Variants in ANHX observed in about 807,000 individuals in gnomAD.
ANHX encodes anomalous homeobox.
In ANHX, 20 loss-of-function variants were observed where a neutral mutation model predicts 38.9. That is an observed-to-expected ratio of 0.51 (90% CI 0.36 to 0.75). The LOEUF (loss-of-function observed/expected upper bound fraction) is 0.75, where lower values mean the gene tolerates loss of function less well. ANHX is among the 30% of genes least tolerant of loss of function. ANHX has a pLI of 0.00. For synonymous variants in ANHX, 185 were observed against 203.1 expected (o/e 0.91, Z 0.76); for missense variants, 475 against 493.1 (o/e 0.96, Z 0.35).
In ANHX at chr12:133,221,386, G is replaced by A; in HGVS notation, c.1133-34C>T. The A allele has an allele frequency of 2.0e-6, 3 of 1,521,348 alleles. No homozygotes were observed. In the South Asian group the frequency reaches 3.7e-5, roughly 19 times the overall value. The allele number at this position is 1,521,348 out of a possible 1,614,324, so 94.2% of individuals were successfully genotyped here. A position where few individuals can be genotyped will look rare whatever the true frequency, so the allele number is the denominator to read the frequency against. ...AATGAGATTCCACGGCACACTGGCAGGAGAAAGGAGCAGAGCCCACGTGTG... is the reference window on the plus strand; with the variant it reads ...AATGAGATTCCACGGCACACTGGCAAGAGAAAGGAGCAGAGCCCACGTGTG... On this transcript the variant is annotated intron_variant, in intron 7 of 9. Transcript: ENST00000545940. The surrounding 1 kb of genome is among the most constrained non-coding windows in gnomAD (Gnocchi z 4.1).
chr12:133,231,131 T>C (rs1418664224), intron 3 of ANHX, among the ~76,000 whole-genome samples: 1 of 152,168 alleles, frequency 6.6e-6, no homozygotes, highest in East Asian at 1.9e-4. Flanking sequence ...TGTTGAGCTG[T>C]TCCCACCTGC....
In ANHX at chr12:133,227,206, G is replaced by A; in HGVS notation, c.502-54C>T. On this transcript the variant is annotated intron_variant, in intron 4 of 9. Coordinates refer to ENST00000545940, the MANE Select transcript of ANHX (RefSeq NM_001372060.1). ...CTGCTTCCATTCCCTGAGGACAGGG[G>A]GTGTGCAGAAGTGGCTCAGACAGCT... 2.0e-6 allele frequency: 3 copies of A among 1,491,428 alleles called. No individual in the cohort carries two copies. The Admixed American group carries it at 6.2e-5, about 31-fold the overall frequency. 92.4% of individuals were successfully genotyped at this position (1,491,428 alleles called of 1,614,324 possible).
At chr12:133,227,185 T>A (rs1957201788) in intron 4 of ANHX, 33 bp from the exon 5 acceptor site, 1 of 1,515,608 alleles carries the variant, frequency 6.6e-7, no homozygotes, top group Non-Finnish European at 8.8e-7. Context: ...CTAGCCCTGC[T>A]TCCATTCCCT....
Position 133,226,953 on chromosome 12 carries a change from T to C in ANHX, c.701A>G (p.Asp234Gly). The C allele has an allele frequency of 6.5e-7, 1 of 1,529,658 alleles. No individual in the cohort carries two copies. Among genetic ancestry groups the C allele is most frequent in the Non-Finnish European group, 8.7e-7 (1 of 1,143,110 alleles). 94.8% of individuals were successfully genotyped at this position (1,529,658 alleles called of 1,614,324 possible). ...GNPRVDSGFV[D>G]RPQWSEEREE... The stretch of plus-strand genomic sequence containing the variant: ...CCACTCACCTGACCACTGAGGCCTG[T>C]CCACAAACCCAGAGTCAACACGGGG... The change falls in exon 5 of 10, where the codon GAC becomes GGC. Residue 234 changes from aspartate (D) to glycine (G), a missense_variant. Transcript: ENST00000545940.
chr12:133,221,067 G>A lies in ANHX; in HGVS notation c.1280+138C>T, dbSNP rs1332523490. 5 of 1,159,988 alleles carry A rather than the reference G, an allele frequency of 4.3e-6. No homozygotes were observed. Among genetic ancestry groups the A allele is most frequent in the Non-Finnish European group, 5.8e-6 (5 of 854,706 alleles). The allele number at this position is 1,159,988 out of a possible 1,614,324, so 71.9% of individuals were successfully genotyped here. A position where few individuals can be genotyped will look rare whatever the true frequency, so the allele number is the denominator to read the frequency against. ...TTCTTCATAGGTGTAGGCTTGTGGG[G>A]ACTGTTACAGTTTTCAGCAATCCAA... On this transcript the variant is annotated intron_variant, in intron 8 of 9. Transcript: ENST00000545940. This position sits in a 1 kb window ranked among gnomAD's most constrained non-coding sequence, Gnocchi z 4.1.
rs1957187591 is a variant in ANHX at position 133,226,323 on chromosome 12, A to C, written c.834T>G (p.Asp278Glu). Residue 278 changes from aspartate (D) to glutamate (E), a missense_variant, in exon 6 of 10, where the codon GAT becomes GAG. Asp to Glu is a conservative substitution (Grantham distance 45). Transcript: ENST00000545940. The stretch of plus-strand genomic sequence containing the variant: ...GGCCATGGAGATGACAGTACCTGAC[A>C]TCCAGTGGCTTTGAGACTGTCTCAT... ...PADETVSKPL[D>E]VRSLPGGEMY... 2 of 1,536,262 alleles carry C rather than the reference A, an allele frequency of 1.3e-6. No individual in the cohort carries two copies. Among genetic ancestry groups the C allele is most frequent in the Non-Finnish European group, 1.7e-6 (2 of 1,146,910 alleles).
In ANHX at chr12:133,218,883, G is replaced by A. The variant is rs1957070575; in HGVS notation, c.*2C>T. On this transcript the variant is annotated 3_prime_UTR_variant, in exon 10 of 10. Coordinates refer to ENST00000545940, the MANE Select transcript of ANHX (RefSeq NM_001372060.1). ...GGGTGCTGTCTGGCTCCTGGGGATA[G>A]CTCAGCCCAGGCTGCTCCCTGAAAA... 6.6e-7 allele frequency: 1 copy of A among 1,512,900 alleles called. No individual in the cohort carries two copies. The highest frequency in any genetic ancestry group is 1.2e-5 in the South Asian group (1 of 82,200). The allele number at this position is 1,512,900 out of a possible 1,614,324, so 93.7% of individuals were successfully genotyped here.
chr12:133,227,883 G>T lies in ANHX; in HGVS notation c.442C>A (p.Arg148Ser), dbSNP rs1462863125. ...LKSRNFPREVREKLHNFAVGV... is the reference protein window; with the variant it reads ...LKSRNFPREVSEKLHNFAVGV... ...ACAGCGAAATTGTGCAGCTTCTCAC[G>T]AACCTCTCTGGGGAAGTTCCGGCTC... Residue 148 changes from arginine (R) to serine (S), a missense_variant, in exon 4 of 10, where the codon CGT becomes AGT. By Grantham distance (110) the Arg-to-Ser change is moderately radical. Coordinates refer to ENST00000545940, the MANE Select transcript of ANHX (RefSeq NM_001372060.1). 1.4e-6 allele frequency: 2 copies of T among 1,476,478 alleles called. No individual in the cohort carries two copies. The highest frequency in any genetic ancestry group is 1.8e-6 in the Non-Finnish European group (2 of 1,111,034). 91.5% of individuals were successfully genotyped at this position (1,476,478 alleles called of 1,614,324 possible). A position where few individuals can be genotyped will look rare whatever the true frequency, so the allele number is the denominator to read the frequency against.
At chr12:133,231,277 C>T (rs1193095991) in intron 3 of ANHX, among the ~76,000 whole-genome samples, 3 of 152,226 alleles carry the variant, frequency 2.0e-5, no homozygotes, top group Non-Finnish European at 4.4e-5. Context: ...CCGTTTCCAG[C>T]CATCAGCTGA....
chr12:133,222,384 C>G (rs910508339), intron 7 of ANHX, among the ~76,000 whole-genome samples: 1 of 152,044 alleles, frequency 6.6e-6, no homozygotes, highest in Non-Finnish European at 1.5e-5. Context: ...CCAAGGAGCT[C>G]GGGAGGGAGA....
intron 4 of ANHX, among the ~76,000 whole-genome samples, chr12:133,227,510 C>T (rs1254231122): frequency 8.5e-5 from 13 of 152,238 alleles, no homozygotes; most frequent in Non-Finnish European, 4.4e-5. Context: ...CACAAACCCA[C>T]TGTGCAGTGG....
At position 133,226,298 on chromosome 12, in the gene ANHX, G is replaced by A; in HGVS notation, c.839+20C>T. 1 of 1,536,240 alleles carries A rather than the reference G, an allele frequency of 6.5e-7. No individual in the cohort carries two copies. Among genetic ancestry groups the A allele is most frequent in the South Asian group, 1.2e-5 (1 of 84,062 alleles). On this transcript the variant is annotated intron_variant, in intron 6 of 9. Coordinates refer to ENST00000545940, the MANE Select transcript of ANHX (RefSeq NM_001372060.1). ...AACTGAATAGGTGAGATGATTCCAT[G>A]GCCATGGAGATGACAGTACCTGACA...
chr12:133,222,760 A>G (rs558390858), intron 7 of ANHX, among the ~76,000 whole-genome samples: 6 of 152,344 alleles, frequency 3.9e-5, no homozygotes, highest in Admixed American at 3.3e-4. Flanking sequence ...TCCTGACTTC[A>G]GACAGTGAAG....
In ANHX at chr12:133,224,343, T is replaced by C. The variant is rs529166600; in HGVS notation, c.1132+1193A>G. On this transcript the variant is annotated intron_variant, in intron 7 of 9. Coordinates refer to ENST00000545940, the MANE Select transcript of ANHX (RefSeq NM_001372060.1). ...AGAAAAAAAAGCTGAAGAGAAAAGA[T>C]GTATATACCCATAGAATATTAAATA... 2.6e-5 allele frequency among the ~76,000 whole-genome samples: 4 copies of C among 152,254 alleles called. No individual in the cohort carries two copies. The South Asian group carries it at 8.3e-4, about 32-fold the overall frequency.
At chr12:133,234,873 G>A (rs924204717) in intron 1 of ANHX, 1 of 156,884 alleles carries the variant, frequency 6.4e-6, no homozygotes, top group Non-Finnish European at 1.4e-5. Context: ...CCTCACCTAA[G>A]GACATTCAGG....
At chr12:133,223,679 C>T (rs945648739) in intron 7 of ANHX, among the ~76,000 whole-genome samples, 3 of 152,006 alleles carry the variant, frequency 2.0e-5, no homozygotes, top group Non-Finnish European at 2.9e-5. Context: ...ATCTCTTGAC[C>T]TCATGATCCG....
intron 1 of ANHX, 147 bp from the exon 2 acceptor site, chr12:133,234,525 G>C (rs935562874): frequency 1.2e-6 from 1 of 868,516 alleles, no homozygotes; most frequent in Non-Finnish European, 1.7e-6. Flanking sequence ...CACACATCCC[G>C]AGAGAGGGCA....
Position 133,232,281 on chromosome 12 carries a change from C to T in ANHX, c.250-637G>A, listed in dbSNP as rs375464043. On this transcript the variant is annotated intron_variant, in intron 2 of 9. Transcript: ENST00000545940. Reference sequence around the variant, plus strand: ...CGGAGGATGCCTGGTGCTGGTCTCCCGTGACTCCTGTGTGGCTCCCACCAT... The same window carrying T: ...CGGAGGATGCCTGGTGCTGGTCTCCTGTGACTCCTGTGTGGCTCCCACCAT... 3.2e-3 allele frequency among the ~76,000 whole-genome samples: 493 copies of T among 152,344 alleles called. 1 individual carries two copies. Among genetic ancestry groups the T allele is most frequent in the Non-Finnish European group, 5.6e-3 (384 of 68,016 alleles).
At chr12:133,235,165 C>CT in intron 1 of ANHX, 1 of 152,388 alleles carries the variant, frequency 6.6e-6, no homozygotes, top group African/African-American at 2.4e-5. Flanking sequence ...ACTCGGGGCT[C>CT]TGAGTTTCCA....
Sources: allele counts gnomAD v4.1 joint callset (sites outside exome capture counted in the v4.1 genomes callset), GRCh38; gene constraint gnomAD v4.1.1; non-coding constraint Gnocchi (gnomAD v3.1); transcripts MANE v1.5; gene names NCBI Gene and HGNC (gene_info 2026-07-23, HGNC 2026-07-21).